Variants in DNMT3A observed in about 807,000 individuals in gnomAD.
DNMT3A encodes DNA methyltransferase 3 alpha, also known as DNA (cytosine-5)-methyltransferase 3A.
A neutral mutation model predicts 117.6 loss-of-function variants in DNMT3A; 267 were observed. That is an observed-to-expected ratio of 2.27 (90% CI 2.05 to 2.51). The LOEUF is 2.51. Among genes scored for constraint, DNMT3A ranks in the 30% most tolerant of loss-of-function variants. DNMT3A has a pLI of 0.00. For missense variants in DNMT3A, 1,029 were observed against 1,260.2 expected (o/e 0.82, Z 2.78); for synonymous variants, 432 against 474.8 (o/e 0.91, Z 1.17).
chr2:25,314,350 C>A, intron 1 of DNMT3A, 189 bp from the exon 2 acceptor site: 1 of 985,370 alleles, frequency 1.0e-6, no homozygotes, highest in Non-Finnish European at 1.2e-6. Flanking sequence ...CCAGCAGCCT[C>A]TGAGAGCCTT....
chr2:25,318,451 T>G (rs1426744462), intron 1 of DNMT3A, among the ~76,000 whole-genome samples: 2 of 152,090 alleles, frequency 1.3e-5, no homozygotes, highest in Non-Finnish European at 2.9e-5. Flanking sequence ...CACTCCCGGC[T>G]AATTCTTGTA....
In DNMT3A at chr2:25,281,997, C is replaced by A. The variant is rs969992974; in HGVS notation, c.448+444G>T. ...AGGCCAGGGGCTACAAATACAGCAA[C>A]CCCCAGGAACTGCATGGCACGTGGG... On this transcript the variant is annotated intron_variant, in intron 4 of 22. Transcript: ENST00000321117. This position sits in a 1 kb window ranked among gnomAD's most constrained non-coding sequence, Gnocchi z 4.8. 6.2e-5 allele frequency: 68 copies of A among 1,100,850 alleles called. No homozygotes were observed. In the African/African-American group the frequency reaches 1.1e-3, roughly 17 times the overall value. 68.2% of individuals were successfully genotyped at this position (1,100,850 alleles called of 1,614,324 possible).
At chr2:25,278,720 G>A (rs917793292) in intron 4 of DNMT3A, among the ~76,000 whole-genome samples, 4 of 152,152 alleles carry the variant, frequency 2.6e-5, no homozygotes, top group Non-Finnish European at 5.9e-5. Flanking sequence ...CAGCTACTCC[G>A]GAGGCTGAGG....
At chr2:25,338,224 C>G (rs1455787834) in intron 1 of DNMT3A, among the ~76,000 whole-genome samples, 2 of 152,194 alleles carry the variant, frequency 1.3e-5, no homozygotes, top group Admixed American at 1.3e-4. Flanking sequence ...AACTGGGCAC[C>G]ACCTCCCACA....
At chr2:25,308,412 T>C (rs2033898885) in intron 2 of DNMT3A, among the ~76,000 whole-genome samples, 1 of 152,078 alleles carries the variant, frequency 6.6e-6, no homozygotes, top group African/African-American at 2.4e-5. Flanking sequence ...TCCAAGACTG[T>C]ACTGACCAAG....
At chr2:25,274,847 C>T in intron 6 of DNMT3A, 94 bp downstream of exon 6, 5 of 1,516,162 alleles carry the variant, frequency 3.3e-6, no homozygotes, top group Non-Finnish European at 4.4e-6. Context: ...CCAGTAAGTT[C>T]TAAGGGTTAG....
intron 1 of DNMT3A, among the ~76,000 whole-genome samples, chr2:25,338,050 C>G (rs1231595248): frequency 6.6e-6 from 1 of 152,224 alleles, no homozygotes; most frequent in Non-Finnish European, 1.5e-5. Context: ...GAGACACACT[C>G]AACTCCCAGT....
intron 6 of DNMT3A, chr2:25,251,823 G>A (rs534800749): frequency 6.2e-6 from 2 of 322,262 alleles, no homozygotes; most frequent in East Asian, 1.0e-4. Flanking sequence ...CACCAGGGAA[G>A]TGCCAGGCAC....
At chr2:25,278,531 T>G (rs1421671007) in intron 4 of DNMT3A, among the ~76,000 whole-genome samples, 1 of 152,116 alleles carries the variant, frequency 6.6e-6, no homozygotes, top group Non-Finnish European at 1.5e-5. Context: ...ATGAGGATAA[T>G]AAGAGTCTTC....
chr2:25,264,787 C>T (rs6546044), intron 6 of DNMT3A, among the ~76,000 whole-genome samples: 39,041 of 152,044 alleles, frequency 0.26, 5,664 homozygotes, highest in African/African-American at 0.39. Flanking sequence ...AAGGATGCTT[C>T]ACGTATGTGC....
At chr2:25,283,310 C>T (rs144949641) in intron 3 of DNMT3A, among the ~76,000 whole-genome samples, 4 of 147,738 alleles carry the variant, frequency 2.7e-5, no homozygotes, top group Admixed American at 7.0e-5. Flanking sequence ...TGCGGTGAGC[C>T]GAGATCACGC....
Position 25,240,418 on chromosome 2 carries a change from G to A in DNMT3A, c.2206C>T (p.Arg736Cys), listed in dbSNP as rs761934754. Residue 736 changes from arginine to cysteine, a missense_variant, in exon 19 of 23, where the codon CGC (arginine) becomes TGC (cysteine). Physicochemically the swap from Arg to Cys is radical, Grantham distance 180. Coordinates refer to ENST00000321117, the MANE Select transcript of DNMT3A (RefSeq NM_022552.5). ...TTGGGCCGCGCATCATGCAGGAGGC[G>A]GTAGAACTCAAAGAAGAGCCGGCCA... ...GTGRLFFEFYRLLHDARPKEG... is the reference protein window; with the variant it reads ...GTGRLFFEFYCLLHDARPKEG... 47 of 1,612,222 alleles carry A rather than the reference G, an allele frequency of 2.9e-5. No homozygotes were observed. The highest frequency in any genetic ancestry group is 4.4e-5 in the South Asian group (4 of 90,830).
intron 1 of DNMT3A, among the ~76,000 whole-genome samples, chr2:25,332,492 C>G (rs933382422): frequency 1.8e-4 from 27 of 152,242 alleles, no homozygotes; most frequent in Non-Finnish European, 7.3e-5. Flanking sequence ...GTGTGACCCC[C>G]TTCATCTATG....
intron 3 of DNMT3A, among the ~76,000 whole-genome samples, chr2:25,283,237 C>A (rs953101554): frequency 1.1e-4 from 17 of 152,104 alleles, no homozygotes; most frequent in African/African-American, 4.1e-4. Flanking sequence ...TGGTGCATGC[C>A]CGTAATCCCA....
At chr2:25,244,364 G>A (rs765728403) in intron 14 of DNMT3A, 26 bp from the exon 15 acceptor site, 25 of 1,585,490 alleles carry the variant, frequency 1.6e-5, no homozygotes, top group East Asian at 1.4e-4. Context: ...GTGAGCAGAG[G>A]AGACTCTCAG....
intron 1 of DNMT3A, among the ~76,000 whole-genome samples, chr2:25,325,140 C>CG (rs796466671): frequency 0.026 from 3,854 of 150,410 alleles, 118 homozygotes; most frequent in African/African-American, 0.078. Flanking sequence ...CAAAAGTGAG[C>CG]GGGGGGGGGA....
intron 1 of DNMT3A, among the ~76,000 whole-genome samples, chr2:25,323,536 G>A (rs2034678110): frequency 6.6e-6 from 1 of 152,232 alleles, no homozygotes; most frequent in South Asian, 2.1e-4. Context: ...TTTCTCAGCT[G>A]TCGAGTGGGA....
chr2:25,300,729 ATATAT>A (rs1239324750), intron 2 of DNMT3A, among the ~76,000 whole-genome samples: 4 of 29,980 alleles, frequency 1.3e-4, no homozygotes, highest in Non-Finnish European at 2.4e-4. Flanking sequence ...ATATATATAT[ATATAT>A]ATATATATAT....
chr2:25,341,370 G>A (rs968139072), intron 1 of DNMT3A, among the ~76,000 whole-genome samples: 1 of 145,434 alleles, frequency 6.9e-6, no homozygotes, highest in African/African-American at 2.5e-5. Flanking sequence ...CCGGCGCCCT[G>A]GCCGCGGGCT....
Sources: gnomAD v4.1 joint callset for allele counts (sites outside exome capture counted in the v4.1 genomes callset) on GRCh38, gnomAD v4.1.1 for gene constraint, Gnocchi (gnomAD v3.1) non-coding constraint, MANE v1.5 for transcripts, NCBI Gene and HGNC (gene_info 2026-07-23, HGNC 2026-07-21) for gene names.